Variants in ZNF469 observed in about 807,000 individuals in gnomAD.
ZNF469 encodes the protein zinc finger protein 469.
A neutral mutation model predicts 1.0 loss-of-function variants in ZNF469; 1 was observed. The ratio of observed to expected loss-of-function variants is 1.00; its 90% CI spans 0.35 to 4.73. ZNF469 has a LOEUF of 4.73. ZNF469 is among the 30% of genes most tolerant of loss of function. ZNF469 has a pLI of 0.16. For synonymous variants in ZNF469, 2,703 were observed against 2,363.4 expected, an observed-to-expected ratio of 1.14 and a Z score of -4.17; for missense variants, 6,100 against 5,356.3, an observed-to-expected ratio of 1.14 and a Z score of -4.33.
At chr16:88,190,162 C>T in the ZNF469 span, among the ~76,000 whole-genome samples, 9 of 152,302 alleles carry the variant, frequency 5.9e-5, no homozygotes, top group Admixed American at 5.2e-4. Context: ...TCTGGCTACA[C>T]GAGGCCAAAA....
At chr16:88,151,875 A>G in the ZNF469 span, among the ~76,000 whole-genome samples, 1 of 152,366 alleles carries the variant, frequency 6.6e-6, no homozygotes, top group Non-Finnish European at 1.5e-5. The surrounding 1 kb of genome is among the most constrained non-coding windows in gnomAD (Gnocchi z 5.4). Context: ...GCAAAAGTGC[A>G]GAATTGCTCT....
the ZNF469 span, among the ~76,000 whole-genome samples, chr16:88,262,439 G>T: frequency 6.6e-6 from 1 of 152,134 alleles, no homozygotes; most frequent in African/African-American, 2.4e-5. The surrounding 1 kb of genome is among the most constrained non-coding windows in gnomAD (Gnocchi z 4.3). Context: ...GGTGGATGGG[G>T]AGCAGTCCAT....
chr16:88,119,780 C>T, the ZNF469 span, among the ~76,000 whole-genome samples: 1 of 152,186 alleles, frequency 6.6e-6, no homozygotes, highest in Non-Finnish European at 1.5e-5. Context: ...AGGTTTTGCC[C>T]AGCTCCCTGA....
At chr16:88,120,551 C>T in the ZNF469 span, among the ~76,000 whole-genome samples, 1 of 152,258 alleles carries the variant, frequency 6.6e-6, no homozygotes, top group East Asian at 1.9e-4. Flanking sequence ...GGATGCTGGA[C>T]CCGCAGCGTG....
Position 88,433,141 on chromosome 16 carries a change from A to G in ZNF469, c.5671A>G (p.Arg1891Gly). The change falls in exon 3 of 3, where the codon AGG becomes GGG. Residue 1891 changes from arginine to glycine, a missense_variant. Physicochemically the swap from Arg to Gly is moderately radical, Grantham distance 125 (BLOSUM62 -2). Coordinates refer to ENST00000565624, the MANE Select transcript of ZNF469 (RefSeq NM_001367624.2). ...CTGTGTATCCAACACCCACCCTAGC[A>G]GGAGGTCCCAGGACCCAGCTTTGAG... Reference protein sequence around the residue: ...PACVSNTHPSRRSQDPALSPP... With the variant: ...PACVSNTHPSGRSQDPALSPP... 1 of 1,550,318 alleles carries G rather than the reference A, an allele frequency of 6.5e-7. No homozygotes were observed. Among genetic ancestry groups the G allele is most frequent in the Non-Finnish European group, 8.7e-7 (1 of 1,146,942 alleles).
chr16:88,382,480 G>C (rs550547291), upstream of ZNF469, among the ~76,000 whole-genome samples: 1 of 152,190 alleles, frequency 6.6e-6, no homozygotes, highest in Admixed American at 6.5e-5. Context: ...GGCAATGTTA[G>C]CTCCCACCTA....
the ZNF469 span, among the ~76,000 whole-genome samples, chr16:88,335,564 G>T: frequency 1.3e-5 from 2 of 152,234 alleles, no homozygotes; most frequent in Non-Finnish European, 2.9e-5. Context: ...GGCCTCTGAT[G>T]ACCCAGCCAC....
Position 88,436,476 on chromosome 16 carries a change from G to T in ZNF469, c.9006G>T (p.Met3002Ile), listed in dbSNP as rs956774576. The stretch of plus-strand genomic sequence containing the variant: ...CAGCGGCTTGGCGAGGCCTGGAGAT[G>T]CCGGCCCCTGCCGATGACTCCTCCT... ...MVPAAWRGLE[M>I]PAPADDSSSS... The change falls in exon 3 of 3, where the codon ATG becomes ATT. Residue 3002 changes from methionine (M) to isoleucine (I), a missense_variant. By Grantham distance (10) the Met-to-Ile change is conservative (BLOSUM62 1). Transcript: ENST00000565624. The T allele has an allele frequency of 1.9e-6, 3 of 1,546,514 alleles. No homozygotes were observed. Among genetic ancestry groups the T allele is most frequent in the Non-Finnish European group, 2.6e-6 (3 of 1,146,952 alleles).
the ZNF469 span, among the ~76,000 whole-genome samples, chr16:88,130,706 CAAA>C: frequency 1.8e-3 from 185 of 103,412 alleles, 2 homozygotes; most frequent in Middle Eastern, 5.3e-3. Context: ...AACTCTGTGT[CAAA>C]AAAAAAAAAA....
At position 88,429,555 on chromosome 16, in the gene ZNF469, C is replaced by G; in HGVS notation, c.2085C>G (p.Pro695=). The G allele has an allele frequency of 1.3e-6, 2 of 1,550,142 alleles. No individual in the cohort carries two copies. The highest frequency in any genetic ancestry group is 1.7e-6 in the Non-Finnish European group (2 of 1,146,870). ...AGACCCCATTCCCCCACGAGGGCCC[C>G]GAGGTGGGTCGGGGAGGGCTGCAGG... The part of the protein sequence containing the change: ...LEETPFPHEG[P]EVGRGGLQGF... Residue 695 remains proline, a synonymous_variant, in exon 3 of 3, where the codon CCC becomes CCG. Transcript: ENST00000565624.
the ZNF469 span, among the ~76,000 whole-genome samples, chr16:88,351,285 C>T: frequency 5.2e-4 from 79 of 152,278 alleles, no homozygotes; most frequent in African/African-American, 1.8e-3. Context: ...TGTGGGTCTC[C>T]GTTTCCCCAG....
the ZNF469 span, among the ~76,000 whole-genome samples, chr16:88,332,359 G>A: frequency 1.3e-5 from 2 of 152,196 alleles, no homozygotes; most frequent in Admixed American, 1.3e-4. Flanking sequence ...GGTGCCTGAG[G>A]CCTGGAAGCA....
At chr16:88,199,256 C>A in the ZNF469 span, among the ~76,000 whole-genome samples, 3 of 152,208 alleles carry the variant, frequency 2.0e-5, no homozygotes, top group African/African-American at 7.2e-5. Flanking sequence ...GCCCTGGCAC[C>A]CGACAACCCC....
chr16:88,190,302 G>A, the ZNF469 span, among the ~76,000 whole-genome samples: 3 of 152,238 alleles, frequency 2.0e-5, no homozygotes, highest in Admixed American at 6.5e-5. Context: ...GGAGAAAAGT[G>A]GAAACCCTTG....
At chr16:88,347,388 G>C in the ZNF469 span, among the ~76,000 whole-genome samples, 3 of 152,134 alleles carry the variant, frequency 2.0e-5, no homozygotes, top group Non-Finnish European at 1.5e-5. Context: ...GTTATTCAAA[G>C]GTGAGATTTC....
Position 88,431,948 on chromosome 16 carries a change from C to G in ZNF469, c.4478C>G (p.Pro1493Arg). 1.3e-6 allele frequency: 2 copies of G among 1,549,398 alleles called. No homozygotes were observed. Among genetic ancestry groups the G allele is most frequent in the South Asian group, 2.4e-5 (2 of 84,056 alleles). ...GCCGACCCTCCCCAGAAGACGGTGC[C>G]GTCAGATCCACCGTACCCCTCTTTT... ...ACADPPQKTV[P>R]SDPPYPSFLL... Residue 1493 changes from proline (P) to arginine (R), a missense_variant, in exon 3 of 3, where the codon CCG (proline) becomes CGG (arginine). Transcript: ENST00000565624.
chr16:88,172,573 T>C, the ZNF469 span, among the ~76,000 whole-genome samples: 12 of 152,172 alleles, frequency 7.9e-5, no homozygotes, highest in African/African-American at 2.7e-4. Flanking sequence ...ATTTTCACGA[T>C]GTCTGGCATT....
the ZNF469 span, among the ~76,000 whole-genome samples, chr16:88,239,654 A>ATTT: frequency 6.5e-5 from 3 of 46,432 alleles, no homozygotes; most frequent in Non-Finnish European, 4.5e-5. Context: ...CGCCCGGCTT[A>ATTT]TTTTTTTTTT....
At chr16:88,126,536 C>T in the ZNF469 span, among the ~76,000 whole-genome samples, 9 of 140,348 alleles carry the variant, frequency 6.4e-5, no homozygotes, top group African/African-American at 2.6e-5. Context: ...ACTGCATCTT[C>T]CACAATGATC....
Sources: allele counts gnomAD v4.1 joint callset (sites outside exome capture counted in the v4.1 genomes callset), GRCh38; gene constraint gnomAD v4.1.1; non-coding constraint Gnocchi (gnomAD v3.1); transcripts MANE v1.5; gene names NCBI Gene and HGNC (gene_info 2026-07-23, HGNC 2026-07-21).